CTNNA3: variants seen among roughly 807,000 people sequenced by gnomAD.
CTNNA3 encodes the protein catenin alpha 3.
In CTNNA3, 76 loss-of-function variants were observed where a neutral mutation model predicts 95.7. That is an observed-to-expected ratio of 0.79 (90% CI 0.66 to 0.96). The LOEUF is 0.96. CTNNA3 is among the 40% of genes least tolerant of loss of function. The pLI is 0.00. For missense variants in CTNNA3, 1,191 were observed against 1,089.8 expected (o/e 1.09, Z -1.31); for synonymous variants, 431 against 374.4 (o/e 1.15, Z -1.74).
rs547624277 is a variant in CTNNA3 at position 66,447,460 on chromosome 10, C to T, written c.1532-68108G>A. ...CTACAGTAACCAAAACAGCATGGTA[C>T]TGGTACCAAAACAGAGATATAGATC... On this transcript the variant is annotated intron_variant, in intron 11 of 17. Coordinates refer to ENST00000433211, the MANE Select transcript of CTNNA3 (RefSeq NM_013266.4). 2.6e-3 allele frequency among the ~76,000 whole-genome samples: 355 copies of T among 137,170 alleles called. 5 individuals are homozygous for T. The highest frequency in any genetic ancestry group is 0.01 in the African/African-American group (341 of 34,052). 90.0% of individuals were successfully genotyped at this position (137,170 alleles called of 152,430 possible).
At chr10:67,606,004 G>T (rs1843261568) in intron 3 of CTNNA3, among the ~76,000 whole-genome samples, 1 of 152,112 alleles carries the variant, frequency 6.6e-6, no homozygotes, top group South Asian at 2.1e-4. Flanking sequence ...TATCATACAT[G>T]TGACATAAAG....
intron 5 of CTNNA3, among the ~76,000 whole-genome samples, chr10:67,392,727 T>C (rs1844553763): frequency 6.6e-6 from 1 of 152,060 alleles, no homozygotes; most frequent in Non-Finnish European, 1.5e-5. Context: ...TATGCAGCCA[T>C]AAAAAATGAT....
At chr10:66,817,615 C>T (rs929600363) in intron 7 of CTNNA3, among the ~76,000 whole-genome samples, 6 of 151,818 alleles carry the variant, frequency 4.0e-5, no homozygotes, top group African/African-American at 1.4e-4. Flanking sequence ...GAGCAACAGG[C>T]AAATGAATAA....
chr10:66,658,189 A>G (rs563276515), intron 9 of CTNNA3, among the ~76,000 whole-genome samples: 2 of 151,526 alleles, frequency 1.3e-5, no homozygotes, highest in East Asian at 3.9e-4. Flanking sequence ...TCTGATTTCC[A>G]TCACTTGTCA....
intron 5 of CTNNA3, among the ~76,000 whole-genome samples, chr10:67,320,963 T>C (rs1394626706): frequency 1.3e-5 from 2 of 152,220 alleles, no homozygotes; most frequent in Admixed American, 6.5e-5. Context: ...TTGCAAATTT[T>C]ATCACTAAAT....
intron 2 of CTNNA3, among the ~76,000 whole-genome samples, chr10:67,636,216 C>A (rs573592629): frequency 8.5e-5 from 13 of 152,260 alleles, no homozygotes; most frequent in African/African-American, 2.9e-4. Context: ...TAGGAAGAAT[C>A]AATGTCGTTA....
chr10:66,658,226 T>TC (rs1564600068), intron 9 of CTNNA3, among the ~76,000 whole-genome samples: 4 of 148,784 alleles, frequency 2.7e-5, no homozygotes, highest in African/African-American at 7.4e-5. Flanking sequence ...CTCTCTCTCT[T>TC]TCTCTCTCTC....
At chr10:66,251,896 A>C (rs2090567747) in intron 13 of CTNNA3, among the ~76,000 whole-genome samples, 1 of 152,192 alleles carries the variant, frequency 6.6e-6, no homozygotes, top group South Asian at 2.1e-4. Context: ...AAACACTTAC[A>C]GAGAGTTTAA....
At chr10:67,636,943 A>C (rs1839336001) in intron 2 of CTNNA3, among the ~76,000 whole-genome samples, 2 of 152,236 alleles carry the variant, frequency 1.3e-5, no homozygotes, top group Non-Finnish European at 2.9e-5. Flanking sequence ...TGAAAATTCT[A>C]AAAATCAGAG....
intron 7 of CTNNA3, among the ~76,000 whole-genome samples, chr10:66,910,672 G>A (rs1250620531): frequency 6.6e-6 from 1 of 152,202 alleles, no homozygotes; most frequent in Non-Finnish European, 1.5e-5. Flanking sequence ...ATAAGCTAGA[G>A]CTGTGAGGCA....
chr10:67,112,018 A>G (rs1458738701), intron 7 of CTNNA3, among the ~76,000 whole-genome samples: 1 of 152,162 alleles, frequency 6.6e-6, no homozygotes, highest in Non-Finnish European at 1.5e-5. Context: ...CTCCCAAAAA[A>G]AAGTGTCAGA....
chr10:66,730,322 C>T (rs1322324099), intron 9 of CTNNA3, among the ~76,000 whole-genome samples: 1 of 151,994 alleles, frequency 6.6e-6, no homozygotes, highest in Non-Finnish European at 1.5e-5. Flanking sequence ...GAGTTGAAAG[C>T]CATTATGCTC....
At chr10:67,315,805 G>A (rs547965962) in intron 5 of CTNNA3, among the ~76,000 whole-genome samples, 65 of 152,154 alleles carry the variant, frequency 4.3e-4, no homozygotes, top group Admixed American at 3.3e-3. Flanking sequence ...CTGTTAAAAA[G>A]TATGTTTGTT....
At chr10:66,131,235 C>G (rs953710371) in intron 13 of CTNNA3, among the ~76,000 whole-genome samples, 2 of 152,068 alleles carry the variant, frequency 1.3e-5, no homozygotes, top group African/African-American at 4.8e-5. Flanking sequence ...CAGCATCATC[C>G]TGAACCAAAA....
intron 9 of CTNNA3, among the ~76,000 whole-genome samples, chr10:66,716,722 G>GT (rs1848462148): frequency 6.6e-6 from 1 of 152,134 alleles, no homozygotes; most frequent in East Asian, 1.9e-4. Context: ...CTAGGTGTTT[G>GT]ATGGCTTTAC....
intron 9 of CTNNA3, among the ~76,000 whole-genome samples, chr10:66,687,608 G>A (rs1435375461): frequency 1.3e-5 from 2 of 151,988 alleles, no homozygotes; most frequent in Non-Finnish European, 2.9e-5. Flanking sequence ...AGCCTGAGGA[G>A]AGGGCCAAGC....
At chr10:66,400,422 G>C (rs989353409) in intron 11 of CTNNA3, among the ~76,000 whole-genome samples, 2 of 151,986 alleles carry the variant, frequency 1.3e-5, no homozygotes, top group African/African-American at 4.8e-5. Flanking sequence ...TTATAAATGG[G>C]TTATTGACTG....
intron 13 of CTNNA3, among the ~76,000 whole-genome samples, chr10:66,177,777 A>G (rs1214253790): frequency 3.3e-5 from 5 of 152,022 alleles, no homozygotes; most frequent in African/African-American, 1.2e-4. Context: ...CCATTTTGAT[A>G]AAAAGTGCCT....
chr10:67,149,642 T>C (rs1231088982), intron 7 of CTNNA3, among the ~76,000 whole-genome samples: 4 of 151,922 alleles, frequency 2.6e-5, no homozygotes, highest in Admixed American at 2.0e-4. Flanking sequence ...AAACTAAGAG[T>C]TGATTTCCTG....
Sources: gnomAD v4.1 joint callset for allele counts (sites outside exome capture counted in the v4.1 genomes callset) on GRCh38, gnomAD v4.1.1 for gene constraint, MANE v1.5 for transcripts, NCBI Gene and HGNC (gene_info 2026-07-23, HGNC 2026-07-21) for gene names.